ZMAT3: variants seen among roughly 807,000 people sequenced by gnomAD.
ZMAT3 encodes the protein zinc finger matrin-type protein 3.
A neutral mutation model predicts 32.3 loss-of-function variants in ZMAT3; 17 were observed. The ratio of observed to expected loss-of-function variants is 0.53; its 90% confidence interval spans 0.36 to 0.79. ZMAT3 has a LOEUF of 0.79. Among genes scored for constraint, ZMAT3 ranks in the 30% least tolerant of loss-of-function variants. ZMAT3 has a pLI of 0.00. For synonymous variants in ZMAT3, 120 were observed against 133.1 expected (o/e 0.90, Z 0.68); for missense variants, 329 against 359.7 (o/e 0.91, Z 0.69).
intron 2 of ZMAT3, among the ~76,000 whole-genome samples, chr3:179,050,147 T>C (rs912483945): frequency 1.6e-4 from 24 of 150,512 alleles, no homozygotes; most frequent in African/African-American, 5.4e-4. Context: ...CTAAATGAAA[T>C]TGAAACAAAA....
chr3:179,030,575 C>T (rs1185220117), intron 3 of ZMAT3, among the ~76,000 whole-genome samples: 2 of 152,064 alleles, frequency 1.3e-5, no homozygotes, highest in South Asian at 4.1e-4. Flanking sequence ...ATGATGGTCT[C>T]GATCTCTTGA....
chr3:179,045,380 T>C (rs1560091796), intron 2 of ZMAT3, among the ~76,000 whole-genome samples: 1 of 152,164 alleles, frequency 6.6e-6, no homozygotes, highest in Admixed American at 6.5e-5. Context: ...GTGGAAACAA[T>C]GTAAGTGACC....
chr3:179,025,014 T>C lies in ZMAT3; in HGVS notation c.*3A>G. The C allele has an allele frequency of 6.2e-7, 1 of 1,613,576 alleles. No homozygotes were observed. Among genetic ancestry groups the C allele is most frequent in the East Asian group, 2.2e-5 (1 of 44,880 alleles). On this transcript the variant is annotated 3_prime_UTR_variant, in exon 6 of 6. Transcript: ENST00000311417. ...AAGCTGCTCTATCTTAATATGATAA[T>C]CACTATACATATCCCAGATTCTCCA...
intron 2 of ZMAT3, among the ~76,000 whole-genome samples, chr3:179,052,548 GA>G (rs1027876942): frequency 2.6e-5 from 4 of 152,170 alleles, no homozygotes; most frequent in Non-Finnish European, 4.4e-5. Context: ...CTATTGTTAG[GA>G]ATGTAAAATA....
chr3:179,071,072 A>T (rs772527992), intron 1 of ZMAT3, among the ~76,000 whole-genome samples: 5 of 152,074 alleles, frequency 3.3e-5, no homozygotes, highest in Non-Finnish European at 5.9e-5. Context: ...AATGAGAGGG[A>T]GAAAAGTTAA....
In ZMAT3 at chr3:179,019,604, A is replaced by G. The variant is rs1040684981; in HGVS notation, c.*5413T>C. 1 of 152,184 alleles carries G rather than the reference A, an allele frequency of 6.6e-6. No homozygotes were observed. The highest frequency in any genetic ancestry group is 1.5e-5 in the Non-Finnish European group (1 of 68,016). The allele number at this position is 152,184 out of a possible 1,614,324, so 9.4% of individuals were successfully genotyped here. On this transcript the variant is annotated 3_prime_UTR_variant, in exon 6 of 6. Transcript: ENST00000311417. Reference sequence around the variant, plus strand: ...AATTTTCTTGAGAAAATGTTGAGGAACATGTTAACATTTCTATAATAAAAT... The same window carrying G: ...AATTTTCTTGAGAAAATGTTGAGGAGCATGTTAACATTTCTATAATAAAAT...
chr3:179,048,282 T>C (rs938205717), intron 2 of ZMAT3, among the ~76,000 whole-genome samples: 2 of 152,196 alleles, frequency 1.3e-5, no homozygotes, highest in African/African-American at 4.8e-5. Context: ...GCTAGAGATC[T>C]AGACATCCGA....
chr3:179,068,004 G>A (rs1043793682), intron 1 of ZMAT3, among the ~76,000 whole-genome samples, 195 bp from the exon 2 acceptor site: 4 of 152,112 alleles, frequency 2.6e-5, no homozygotes, highest in African/African-American at 9.7e-5. Flanking sequence ...CTCTTCCACT[G>A]AGAATGGCTT....
rs1006934769 is a variant in ZMAT3, at chr3:179,030,950, C to T, written c.320G>A (p.Cys107Tyr). 1 of 1,613,686 alleles carries T rather than the reference C, an allele frequency of 6.2e-7. No homozygotes were observed. Among genetic ancestry groups the T allele is most frequent in the Non-Finnish European group, 8.5e-7 (1 of 1,179,866 alleles). ...ATTGCTCATTCTAGCAGGAGGAGGA[C>T]AGCTATTTGCTGCATAGTAATTTCG... ...KLRNYYAANSCPPPARMSNVV... is the reference protein window; with the variant it reads ...KLRNYYAANSYPPPARMSNVV... The change falls in exon 3 of 6, where the codon TGT (cysteine) becomes TAT (tyrosine). Residue 107 changes from cysteine to tyrosine, a missense_variant. Cys to Tyr is a radical substitution (Grantham distance 194). Coordinates refer to ENST00000311417, the MANE Select transcript of ZMAT3 (RefSeq NM_022470.4).
intron 2 of ZMAT3, among the ~76,000 whole-genome samples, chr3:179,060,976 C>T (rs921038584): frequency 6.6e-6 from 1 of 151,890 alleles, no homozygotes; most frequent in Non-Finnish European, 1.5e-5. Context: ...ACTGAACTGT[C>T]AAACATGAAG....
At chr3:179,062,510 G>A (rs1384477258) in intron 2 of ZMAT3, among the ~76,000 whole-genome samples, 1 of 152,142 alleles carries the variant, frequency 6.6e-6, no homozygotes, top group African/African-American at 2.4e-5. Flanking sequence ...AAGAAATGAG[G>A]TAGGGGTAGA....
At chr3:179,063,749 T>C (rs925011859) in intron 2 of ZMAT3, among the ~76,000 whole-genome samples, 1 of 152,352 alleles carries the variant, frequency 6.6e-6, no homozygotes, top group South Asian at 2.1e-4. Flanking sequence ...AGATAGACTT[T>C]AATAAAATGA....
At position 179,027,706 on chromosome 3, in the gene ZMAT3, T is replaced by C. The variant is rs1183511972; in HGVS notation, c.497A>G (p.Tyr166Cys). The C allele has an allele frequency of 2.5e-6, 4 of 1,614,078 alleles. No individual in the cohort carries two copies. Among genetic ancestry groups the C allele is most frequent in the Non-Finnish European group, 2.5e-6 (3 of 1,180,048 alleles). ...FSSPAVAQAH[Y>C]QGKNHAKRLR... ...CCTCTTGGCATGATTCTTCCCTTGA[T>C]AGTGAGCCTGAGCCACAGCTGGGGA... Residue 166 changes from tyrosine to cysteine, a missense_variant, in exon 4 of 6, where the codon TAT becomes TGT. Coordinates refer to ENST00000311417, the MANE Select transcript of ZMAT3 (RefSeq NM_022470.4).
chr3:179,071,086 A>AAAT (rs922886055), intron 1 of ZMAT3, among the ~76,000 whole-genome samples: 19 of 152,184 alleles, frequency 1.2e-4, no homozygotes, highest in Non-Finnish European at 1.9e-4. Flanking sequence ...AAGTTAAAAA[A>AAAT]AATAATAATA....
chr3:179,071,936 G>A (rs6774158), upstream of ZMAT3: 1,394 of 152,918 alleles, frequency 9.1e-3, 34 homozygotes, highest in East Asian at 0.09. Context: ...CGCATCCCCG[G>A]CGGGCGGCGC....
intron 1 of ZMAT3, among the ~76,000 whole-genome samples, chr3:179,069,268 T>C (rs1185947019): frequency 4.6e-5 from 7 of 152,280 alleles, no homozygotes; most frequent in Non-Finnish European, 1.0e-4. Flanking sequence ...TAGTCTCTAT[T>C]ATAATTCCCT....
At chr3:179,062,342 G>A (rs1337243647) in intron 2 of ZMAT3, among the ~76,000 whole-genome samples, 2 of 152,124 alleles carry the variant, frequency 1.3e-5, no homozygotes, top group Non-Finnish European at 2.9e-5. Context: ...TAATAGAAGG[G>A]ATTAAAAGTA....
chr3:179,034,262 A>G (rs1026652804), intron 2 of ZMAT3, among the ~76,000 whole-genome samples: 4 of 152,212 alleles, frequency 2.6e-5, no homozygotes, highest in Admixed American at 2.6e-4. Flanking sequence ...ACTAAGATCC[A>G]TCTTCTCCTC....
rs1478708538 is a variant in ZMAT3, at chr3:179,017,917, T to C, written c.*7100A>G. The C allele has an allele frequency of 6.6e-6, 1 of 152,148 alleles. No homozygotes were observed. The highest frequency in any genetic ancestry group is 1.9e-4 in the East Asian group (1 of 5,200). 9.4% of individuals were successfully genotyped at this position (152,148 alleles called of 1,614,324 possible). ...AAGGCATTTCAAAGCAGACACATCA[T>C]ACCCAAACTAAATCATTATGGTCAG... On this transcript the variant is annotated 3_prime_UTR_variant, in exon 6 of 6. Transcript: ENST00000311417.
Sources: gnomAD v4.1 joint callset for allele counts (sites outside exome capture counted in the v4.1 genomes callset) on GRCh38, gnomAD v4.1.1 for gene constraint, MANE v1.5 for transcripts, NCBI Gene and HGNC (gene_info 2026-07-23, HGNC 2026-07-21) for gene names.